Variants in FBN2 observed in about 807,000 individuals in gnomAD.
FBN2 encodes the protein fibrillin 2.
In FBN2, 105 loss-of-function variants were observed where a neutral mutation model predicts 355.6. The ratio of observed to expected loss-of-function variants is 0.30; its 90% CI spans 0.25 to 0.35. The LOEUF is 0.35. Among genes scored for constraint, FBN2 ranks in the 10% least tolerant of loss-of-function variants. The pLI is 1.00. For missense variants in FBN2, 3,280 were observed against 3,758.7 expected (o/e 0.87, Z 3.33); for synonymous variants, 1,350 against 1,301.2 (o/e 1.04, Z -0.81).
intron 11 of FBN2, among the ~76,000 whole-genome samples, chr5:128,390,918 C>A (rs1332925934): frequency 6.6e-6 from 1 of 152,120 alleles, no homozygotes; most frequent in Non-Finnish European, 1.5e-5. Flanking sequence ...TGTTTCTCAG[C>A]AATTTGAAGG....
rs559647600 is a variant in FBN2 at position 128,463,339 on chromosome 5, T to C, written c.826+1385A>G. Among the ~76,000 whole-genome samples the C allele has an allele frequency of 8.2e-4, 124 of 152,124 alleles. 1 individual carries two copies. The South Asian group carries it at 0.013, about 17-fold the overall frequency. On this transcript the variant is annotated intron_variant, in intron 6 of 64. Coordinates refer to ENST00000262464, the MANE Select transcript of FBN2 (RefSeq NM_001999.4). ...GAATTTTACTATCCATAGTAAACAATAGATTAAAAATGGCATTTGACTCAG... is the reference window on the plus strand; with the variant it reads ...GAATTTTACTATCCATAGTAAACAACAGATTAAAAATGGCATTTGACTCAG...
intron 16 of FBN2, among the ~76,000 whole-genome samples, chr5:128,368,465 T>TACATATATATACATATATATAC (rs1429920411): frequency 2.7e-4 from 35 of 128,182 alleles, no homozygotes; most frequent in Middle Eastern, 4.0e-3. Context: ...CACATATATA[T>TACATATATATACATATATATAC]ACATATATAT....
At chr5:128,261,416 A>G (rs1764961317) in intron 64 of FBN2, among the ~76,000 whole-genome samples, 1 of 152,262 alleles carries the variant, frequency 6.6e-6, no homozygotes. Flanking sequence ...TGAACAAATT[A>G]AAAATAATTT....
chr5:128,259,656 G>A lies in FBN2; in HGVS notation c.8538C>T (p.Arg2846=), dbSNP rs545430177. 1.2e-6 allele frequency: 2 copies of A among 1,614,076 alleles called. No individual in the cohort carries two copies. Among genetic ancestry groups the A allele is most frequent in the African/African-American group, 2.7e-5 (2 of 75,030 alleles). The part of the protein sequence containing the change: ...ISQGNDDSVF[R]IHQRNGLSYL... Reference sequence around the variant, plus strand: ...AGCTGAGCCCATTCCTTTGGTGGATGCGGAAGACGCTGTCATCGTTCCCTT... The same window carrying A: ...AGCTGAGCCCATTCCTTTGGTGGATACGGAAGACGCTGTCATCGTTCCCTT... The change falls in exon 65 of 65, where the codon CGC becomes CGT. Residue 2846 remains arginine, a synonymous_variant. Coordinates refer to ENST00000262464, the MANE Select transcript of FBN2 (RefSeq NM_001999.4).
intron 5 of FBN2, among the ~76,000 whole-genome samples, chr5:128,488,957 A>G (rs1755424278): frequency 6.6e-6 from 1 of 152,180 alleles, no homozygotes; most frequent in Non-Finnish European, 1.5e-5. Flanking sequence ...GCCACAATAA[A>G]CAAACGTGCA....
rs763068322 is a variant in FBN2, at chr5:128,280,274, T to C, written c.7056A>G (p.Gly2352=). ...CRTKPGICEN[G]RCVNIIGSYR... ...AGCTTCCAATAATGTTAACACAACG[T>C]CCATTTTCACAGATTCCTGGCTTGG... is the stretch of plus-strand genomic sequence containing the variant. Residue 2352 remains glycine, a synonymous_variant, in exon 56 of 65, where the codon GGA becomes GGG. Coordinates refer to ENST00000262464, the MANE Select transcript of FBN2 (RefSeq NM_001999.4). The C allele has an allele frequency of 1.2e-5, 19 of 1,611,492 alleles. No homozygotes were observed.
chr5:128,459,557 T>G (rs1033857036), intron 6 of FBN2, among the ~76,000 whole-genome samples: 1 of 152,256 alleles, frequency 6.6e-6, no homozygotes. Context: ...AAATCTTCAA[T>G]AAAATACTGG....
chr5:128,434,022 G>T (rs755496565), intron 7 of FBN2, among the ~76,000 whole-genome samples: 4 of 151,870 alleles, frequency 2.6e-5, no homozygotes, highest in Non-Finnish European at 5.9e-5. Context: ...CTGTCTTCTG[G>T]AAGCAGGTAA....
At chr5:128,471,069 AGAAGGTATTTAT>A (rs1186005834) in intron 5 of FBN2, among the ~76,000 whole-genome samples, 1 of 152,214 alleles carries the variant, frequency 6.6e-6, no homozygotes, top group East Asian at 1.9e-4. Context: ...AACTTAGGCA[AGAAGGTATTTAT>A]GTTCTCAGTA....
chr5:128,398,556 G>C (rs549467310), intron 8 of FBN2, among the ~76,000 whole-genome samples: 1 of 151,982 alleles, frequency 6.6e-6, no homozygotes, highest in Non-Finnish European at 1.5e-5. Flanking sequence ...ATTGCACATG[G>C]ATAAAGAAAA....
intron 7 of FBN2, among the ~76,000 whole-genome samples, chr5:128,420,759 G>T (rs146439192): frequency 8.3e-4 from 126 of 152,216 alleles, no homozygotes; most frequent in Middle Eastern, 6.8e-3. Context: ...CAAATAAACA[G>T]ATACTGATTG....
intron 6 of FBN2, among the ~76,000 whole-genome samples, chr5:128,456,643 C>T (rs745945217): frequency 2.8e-4 from 42 of 152,000 alleles, no homozygotes; most frequent in East Asian, 2.3e-3. Context: ...GTCATGGGGG[C>T]GAATCAGATG....
intron 8 of FBN2, 71 bp from the exon 9 acceptor site, chr5:128,395,345 G>A (rs1177192772): frequency 2.0e-6 from 3 of 1,530,890 alleles, no homozygotes. Flanking sequence ...CACTGTACAT[G>A]AGATGAATGT....
At chr5:128,405,198 A>T (rs1382518922) in intron 8 of FBN2, among the ~76,000 whole-genome samples, 1 of 152,180 alleles carries the variant, frequency 6.6e-6, no homozygotes, top group Admixed American at 6.5e-5. Flanking sequence ...ATCTTTAAAA[A>T]ACAAAAAAGG....
intron 63 of FBN2, 58 bp from the exon 64 acceptor site, chr5:128,261,965 C>T: frequency 7.0e-7 from 1 of 1,438,440 alleles, no homozygotes; most frequent in African/African-American, 1.4e-5. Context: ...CATAGTTTTC[C>T]AGTGGTAGAG....
chr5:128,527,907 C>G lies in FBN2; in HGVS notation c.497G>C (p.Cys166Ser), dbSNP rs1260630075. ...GGTCADDHCQ[C>S]QKGYIGTYCG... is the part of the protein sequence containing the mutation. Reference sequence around the variant, plus strand: ...ATAAGTTCCAATATATCCTTTCTGGCACTGGCAGTGGTCATCTGCACAGGT... The same window carrying G: ...ATAAGTTCCAATATATCCTTTCTGGGACTGGCAGTGGTCATCTGCACAGGT... Residue 166 changes from cysteine to serine, a missense_variant, in exon 4 of 65, where the codon TGC (cysteine) becomes TCC (serine). Cys to Ser is a moderately radical substitution (Grantham distance 112, BLOSUM62 -1). Around this residue, in one of 6 missense-constraint regions of FBN2, gnomAD observed 130 missense variants for 189.9 expected, o/e 0.68. Coordinates refer to ENST00000262464, the MANE Select transcript of FBN2 (RefSeq NM_001999.4). 6.2e-7 allele frequency: 1 copy of G among 1,612,308 alleles called. No individual in the cohort carries two copies. The highest frequency in any genetic ancestry group is 1.7e-5 in the Admixed American group (1 of 59,868).
chr5:128,344,433 G>C lies in FBN2; in HGVS notation c.3295C>G (p.Arg1099Gly), dbSNP rs755510043. ...CRNTIGSFKC[R>G]CNSGFALDME... is the part of the protein sequence containing the mutation. ...TCTAGAGCAAAGCCACTATTGCAAC[G>C]GCATTTGAAGCTTCCGATTGTATTT... Residue 1099 changes from arginine to glycine, a missense_variant, in exon 25 of 65, where the codon CGT becomes GGT. This residue lies in a region of FBN2 where 2,284 missense variants were observed against 2,749.5 expected (regional missense o/e 0.83). Transcript: ENST00000262464. 1.2e-6 allele frequency: 2 copies of C among 1,613,492 alleles called. No individual in the cohort carries two copies. Among genetic ancestry groups the C allele is most frequent in the East Asian group, 2.2e-5 (1 of 44,884 alleles).
At chr5:128,520,668 G>C (rs187650241) in intron 4 of FBN2, among the ~76,000 whole-genome samples, 3 of 152,156 alleles carry the variant, frequency 2.0e-5, no homozygotes, top group Non-Finnish European at 2.9e-5. Context: ...ATGGTCAGAA[G>C]ACTAAAACGC....
chr5:128,457,201 C>A (rs1754417088), intron 6 of FBN2, among the ~76,000 whole-genome samples: 1 of 152,080 alleles, frequency 6.6e-6, no homozygotes, highest in Non-Finnish European at 1.5e-5. Flanking sequence ...GAAAGGATAT[C>A]AGAGTCTTAA....
Sources: gnomAD v4.1 joint callset for allele counts (sites outside exome capture counted in the v4.1 genomes callset) on GRCh38, gnomAD v4.1.1 for gene constraint, gnomAD v4.1.1 regional missense constraint, MANE v1.5 for transcripts, NCBI Gene and HGNC (gene_info 2026-07-23, HGNC 2026-07-21) for gene names.